FSTL4: variants seen among roughly 807,000 people sequenced by gnomAD.
FSTL4 encodes the protein follistatin-related protein 4.
In FSTL4, 28 loss-of-function variants were observed where a neutral mutation model predicts 78.2. The observed-to-expected ratio is 0.36, with a 90% confidence interval of 0.27 to 0.49. FSTL4 has a LOEUF of 0.49. FSTL4 is among the 20% of genes least tolerant of loss of function. The pLI is 0.98. For synonymous variants in FSTL4, 422 were observed against 440.5 expected, an observed-to-expected ratio of 0.96 and a Z score of 0.53; for missense variants, 922 against 1,084.9, an observed-to-expected ratio of 0.85 and a Z score of 2.11.
chr5:133,278,713 C>G (rs759216212), intron 6 of FSTL4, among the ~76,000 whole-genome samples: 1 of 152,202 alleles, frequency 6.6e-6, no homozygotes, highest in Non-Finnish European at 1.5e-5. Flanking sequence ...GGACATGTTC[C>G]TCCCTAGAGA....
chr5:133,757,461 G>A, the FSTL4 span, among the ~76,000 whole-genome samples: 254 of 152,298 alleles, frequency 1.7e-3, 1 homozygote, highest in Middle Eastern at 3.4e-3. Context: ...AGGTCTAACC[G>A]CTTGCTTTAG....
chr5:133,296,235 GCCCTTCAGAATATAC>G (rs1398200526), intron 6 of FSTL4, among the ~76,000 whole-genome samples: 2 of 152,048 alleles, frequency 1.3e-5, no homozygotes, highest in Non-Finnish European at 2.9e-5. Context: ...CTTTGGCACC[GCCCTTCAGAATATAC>G]CCATGATCCA....
chr5:133,262,065 C>A (rs552036210), intron 6 of FSTL4, among the ~76,000 whole-genome samples: 1 of 152,044 alleles, frequency 6.6e-6, no homozygotes, highest in South Asian at 2.1e-4. Context: ...TGGGACCTAA[C>A]GCCATGTCAG....
intron 6 of FSTL4, among the ~76,000 whole-genome samples, chr5:133,312,048 G>T (rs1753796654): frequency 6.6e-6 from 1 of 152,156 alleles, no homozygotes; most frequent in Admixed American, 6.5e-5. Flanking sequence ...TCAAGTAAAA[G>T]ATACAGGTCC....
At chr5:133,282,983 G>T (rs954456056) in intron 6 of FSTL4, among the ~76,000 whole-genome samples, 1 of 152,232 alleles carries the variant, frequency 6.6e-6, no homozygotes, top group Non-Finnish European at 1.5e-5. Flanking sequence ...TCTGAGAAAT[G>T]ATTTGGGAGC....
chr5:133,631,936 G>A, the FSTL4 span, among the ~76,000 whole-genome samples: 2 of 152,102 alleles, frequency 1.3e-5, no homozygotes, highest in African/African-American at 4.8e-5. Flanking sequence ...CTCATAAGTG[G>A]GAGTTGAACA....
intron 6 of FSTL4, among the ~76,000 whole-genome samples, chr5:133,267,008 G>T (rs189228293): frequency 3.3e-4 from 51 of 152,350 alleles, no homozygotes; most frequent in African/African-American, 1.2e-3. Context: ...TCACACAGGT[G>T]GAGGGTCTGG....
chr5:133,822,632 C>A, the FSTL4 span, among the ~76,000 whole-genome samples: 2 of 152,136 alleles, frequency 1.3e-5, no homozygotes, highest in South Asian at 2.1e-4. Context: ...AGGATGTGAA[C>A]ATTCCGGGGG....
chr5:133,287,184 C>T (rs901040793), intron 6 of FSTL4, among the ~76,000 whole-genome samples: 7 of 151,904 alleles, frequency 4.6e-5, no homozygotes, highest in African/African-American at 7.3e-5. Context: ...GTCAGGAGAT[C>T]GAGACCATCC....
the FSTL4 span, among the ~76,000 whole-genome samples, chr5:133,646,497 A>G: frequency 6.6e-6 from 1 of 152,126 alleles, no homozygotes; most frequent in African/African-American, 2.4e-5. Context: ...GAGCTAATTT[A>G]AGGTTTTACA....
intron 6 of FSTL4, among the ~76,000 whole-genome samples, chr5:133,262,197 C>T (rs1342903882): frequency 6.6e-6 from 1 of 152,188 alleles, no homozygotes; most frequent in African/African-American, 2.4e-5. Flanking sequence ...GCTGGAACAA[C>T]TGCAGCTCCC....
the FSTL4 span, among the ~76,000 whole-genome samples, chr5:133,648,287 G>A: frequency 6.6e-6 from 1 of 152,210 alleles, no homozygotes; most frequent in African/African-American, 2.4e-5. Flanking sequence ...AAAGCTTAGA[G>A]CTAAATAGTG....
At chr5:133,645,557 C>G in the FSTL4 span, among the ~76,000 whole-genome samples, 1 of 152,136 alleles carries the variant, frequency 6.6e-6, no homozygotes, top group Admixed American at 6.5e-5. Flanking sequence ...AGTAGGCTGA[C>G]TGGTAACCTC....
chr5:133,268,060 T>C (rs1233535985), intron 6 of FSTL4, among the ~76,000 whole-genome samples: 2 of 152,218 alleles, frequency 1.3e-5, no homozygotes, highest in African/African-American at 4.8e-5. Flanking sequence ...AAATGTTAGC[T>C]ATTATGTAGT....
the FSTL4 span, among the ~76,000 whole-genome samples, chr5:133,819,382 C>CA: frequency 1.4e-4 from 21 of 152,274 alleles, no homozygotes; most frequent in African/African-American, 5.1e-4. Flanking sequence ...TCCCTGCTCA[C>CA]ACCCTGCTCC....
At chr5:133,820,446 G>T in the FSTL4 span, among the ~76,000 whole-genome samples, 1 of 152,130 alleles carries the variant, frequency 6.6e-6, no homozygotes, top group Non-Finnish European at 1.5e-5. Flanking sequence ...CTTTGGGAGG[G>T]AAGCACCCTT....
the FSTL4 span, among the ~76,000 whole-genome samples, chr5:133,821,939 G>A: frequency 6.6e-5 from 10 of 152,286 alleles, no homozygotes; most frequent in Admixed American, 3.9e-4. Context: ...GGAGCCCAAC[G>A]GGGGCACAGT....
chr5:133,406,102 C>T (rs1756356929), intron 3 of FSTL4, among the ~76,000 whole-genome samples: 1 of 152,152 alleles, frequency 6.6e-6, no homozygotes, highest in Admixed American at 6.5e-5. Flanking sequence ...AGGAAATAAC[C>T]AGGGTGCTGC....
At chr5:133,393,045 A>G (rs181528320) in intron 4 of FSTL4, among the ~76,000 whole-genome samples, 1 of 152,250 alleles carries the variant, frequency 6.6e-6, no homozygotes, top group East Asian at 1.9e-4. Context: ...CAAAGAACAC[A>G]CATATTTGTT....
Sources: gnomAD v4.1 joint callset for allele counts (sites outside exome capture counted in the v4.1 genomes callset) on GRCh38, gnomAD v4.1.1 for gene constraint, MANE v1.5 for transcripts, NCBI Gene and HGNC (gene_info 2026-07-23, HGNC 2026-07-21) for gene names.